GOLIM4: variants seen among roughly 807,000 people sequenced by gnomAD.
GOLIM4 encodes 130 kDa golgi-localized phosphoprotein.
Under a neutral mutation model 107.4 loss-of-function variants are expected in GOLIM4, and 71 were observed. That is an observed-to-expected ratio of 0.66 (90% CI 0.55 to 0.81). The LOEUF (loss-of-function observed/expected upper bound fraction) is 0.81, where lower values mean the gene tolerates loss of function less well. Ranked by LOEUF, GOLIM4 falls within the 30% of genes least tolerant of loss-of-function variation. The pLI, the probability that GOLIM4 is intolerant of heterozygous loss-of-function variation, is 0.00. For synonymous variants in GOLIM4, 327 were observed against 294.8 expected (o/e 1.11, Z -1.12); for missense variants, 830 against 826.1 (o/e 1.00, Z -0.06).
At chr3:168,084,958 A>T (rs556086415) in intron 1 of GOLIM4, among the ~76,000 whole-genome samples, 82 of 143,992 alleles carry the variant, frequency 5.7e-4, no homozygotes, top group African/African-American at 2.1e-3. Context: ...CATGGAAATT[A>T]AAAAAAAAAA....
chr3:168,026,110 G>C (rs1320361539), intron 12 of GOLIM4, among the ~76,000 whole-genome samples: 1 of 152,136 alleles, frequency 6.6e-6, no homozygotes, highest in Admixed American at 6.5e-5. Context: ...GAACATGTTT[G>C]AGAGTTCACT....
chr3:168,088,384 C>T (rs1721731822), intron 1 of GOLIM4, among the ~76,000 whole-genome samples: 1 of 152,078 alleles, frequency 6.6e-6, no homozygotes, highest in Admixed American at 6.6e-5. Context: ...GTTCTGGTCA[C>T]CTAATAAATG....
At position 168,095,377 on chromosome 3, in the gene GOLIM4, G is replaced by A; in HGVS notation, c.-92C>T. 1.9e-6 allele frequency: 2 copies of A among 1,049,704 alleles called. No homozygotes were observed. The highest frequency in any genetic ancestry group is 2.8e-6 in the Non-Finnish European group (2 of 710,748). The allele number at this position is 1,049,704 out of a possible 1,614,324, so 65.0% of individuals were successfully genotyped here. On this transcript the variant is annotated 5_prime_UTR_variant, in exon 1 of 16. Coordinates refer to ENST00000470487, the MANE Select transcript of GOLIM4 (RefSeq NM_014498.5). ...TCAGCAGCGGCCGCCGCAGTAGGTG[G>A]CCAGACGCAGCATGAGGAGGAGATG...
intron 1 of GOLIM4, among the ~76,000 whole-genome samples, chr3:168,070,700 TAAA>T (rs1433585649): frequency 2.0e-5 from 3 of 152,232 alleles, no homozygotes; most frequent in Non-Finnish European, 4.4e-5. Flanking sequence ...TTAAGGTTAT[TAAA>T]GAAGTTCAAA....
Position 168,009,321 on chromosome 3 carries a change from A to G in GOLIM4, c.*948T>C, listed in dbSNP as rs1008163094. 6.6e-6 allele frequency: 1 copy of G among 151,056 alleles called. No homozygotes were observed. The highest frequency in any genetic ancestry group is 6.6e-5 in the Admixed American group (1 of 15,116). 9.4% of individuals were successfully genotyped at this position (151,056 alleles called of 1,614,324 possible). A position where few individuals can be genotyped will look rare whatever the true frequency, so the allele number is the denominator to read the frequency against. ...CAGTTTGGTATGTCTTCATATTTAT[A>G]CTTATTATCAAAGTGATTGCATATT... On this transcript the variant is annotated 3_prime_UTR_variant, in exon 16 of 16. Transcript: ENST00000470487.
intron 14 of GOLIM4, among the ~76,000 whole-genome samples, chr3:168,015,503 C>T (rs1717312515): frequency 7.3e-6 from 1 of 137,182 alleles, no homozygotes; most frequent in Admixed American, 7.0e-5. Flanking sequence ...CCCCATCAAG[C>T]TACCAATGCC....
intron 1 of GOLIM4, among the ~76,000 whole-genome samples, chr3:168,063,289 A>C (rs780602150): frequency 2.6e-5 from 4 of 152,224 alleles, no homozygotes; most frequent in Non-Finnish European, 5.9e-5. Context: ...CTGCTTCCCC[A>C]GTTTGACTAG....
At chr3:168,055,662 C>T (rs1178880067) in intron 1 of GOLIM4, among the ~76,000 whole-genome samples, 14 of 151,852 alleles carry the variant, frequency 9.2e-5, no homozygotes, top group Non-Finnish European at 5.9e-5. Flanking sequence ...ATTAGCTGGG[C>T]GTGATGGCAG....
chr3:168,031,682 G>A (rs1240868614), intron 9 of GOLIM4, among the ~76,000 whole-genome samples: 1 of 152,184 alleles, frequency 6.6e-6, no homozygotes, highest in Non-Finnish European at 1.5e-5. Context: ...ACCTAAGAGG[G>A]CAACTACAGA....
At position 168,032,612 on chromosome 3, in the gene GOLIM4, C is replaced by T. The variant is rs370706753; in HGVS notation, c.1084G>A (p.Asp362Asn). ...GQAEHLEEEH[D>N]PSPEEQDREW... ...CGATCCTGCTCCTCTGGTGATGGATCGTGTTCCTCCTCAAGATGTTCTGCT... is the reference window on the plus strand; with the variant it reads ...CGATCCTGCTCCTCTGGTGATGGATTGTGTTCCTCCTCAAGATGTTCTGCT... Residue 362 changes from aspartate to asparagine, a missense_variant, in exon 9 of 16, where the codon GAT becomes AAT. By Grantham distance (23) the Asp-to-Asn change is conservative. Coordinates refer to ENST00000470487, the MANE Select transcript of GOLIM4 (RefSeq NM_014498.5). 6.2e-6 allele frequency: 10 copies of T among 1,613,994 alleles called. No individual in the cohort carries two copies. The highest frequency in any genetic ancestry group is 4.4e-5 in the South Asian group (4 of 91,060).
chr3:168,087,580 T>C (rs1027537994), intron 1 of GOLIM4, among the ~76,000 whole-genome samples: 1 of 152,196 alleles, frequency 6.6e-6, no homozygotes, highest in Non-Finnish European at 1.5e-5. Flanking sequence ...CATCAAATAG[T>C]ACACCCGTTA....
At position 168,032,592 on chromosome 3, in the gene GOLIM4, CT is replaced by C; in HGVS notation, c.1103del (p.Gln368ArgfsTer33). 1 of 1,614,144 alleles carries C rather than the reference CT, an allele frequency of 6.2e-7. No individual in the cohort carries two copies. The highest frequency in any genetic ancestry group is 1.6e-4 in the Middle Eastern group (1 of 6,062). On this transcript the variant is annotated frameshift_variant, in exon 9 of 16. Coordinates refer to ENST00000470487, the MANE Select transcript of GOLIM4 (RefSeq NM_014498.5). LOFTEE classifies it high-confidence loss of function. Reference sequence around the variant, plus strand: ...CATGCTGCTCTTTCCACTCCCGATCCTGCTCCTCTGGTGATGGATCGTGTTC... The same window carrying C: ...CATGCTGCTCTTTCCACTCCCGATCCGCTCCTCTGGTGATGGATCGTGTTC... The part of the protein sequence containing the change: ...EEEHDPSPEE[Q>X]DREWKEQHEQ...
chr3:168,082,540 T>C (rs1721424424), intron 1 of GOLIM4, among the ~76,000 whole-genome samples: 1 of 152,154 alleles, frequency 6.6e-6, no homozygotes, highest in Admixed American at 6.6e-5. Context: ...TCAGTTCACA[T>C]GGACCCTGCT....
intron 1 of GOLIM4, among the ~76,000 whole-genome samples, chr3:168,073,566 C>T (rs1361246159): frequency 2.6e-5 from 4 of 151,958 alleles, no homozygotes; most frequent in African/African-American, 4.8e-5. Context: ...ATTAAAGGTC[C>T]TTACAATCGC....
Position 168,095,396 on chromosome 3 carries a change from G to A in GOLIM4, c.-111C>T, listed in dbSNP as rs1038388491. 10 of 854,828 alleles carry A rather than the reference G, an allele frequency of 1.2e-5. No homozygotes were observed. In the Admixed American group the frequency reaches 1.2e-4, roughly 11 times the overall value. The allele number at this position is 854,828 out of a possible 1,614,324, so 53.0% of individuals were successfully genotyped here. ...TAGGTGGCCAGACGCAGCATGAGGA[G>A]GAGATGCCAGACACAAAAGCCGGCC... On this transcript the variant is annotated 5_prime_UTR_variant, in exon 1 of 16. Coordinates refer to ENST00000470487, the MANE Select transcript of GOLIM4 (RefSeq NM_014498.5).
At chr3:168,012,097 C>T (rs1198595622) in intron 14 of GOLIM4, among the ~76,000 whole-genome samples, 9 of 122,736 alleles carry the variant, frequency 7.3e-5, no homozygotes, top group Non-Finnish European at 1.1e-4. Context: ...CTCTGAGCTA[C>T]GGGAGGACAT....
At chr3:168,084,153 G>C (rs753184641) in intron 1 of GOLIM4, among the ~76,000 whole-genome samples, 2 of 152,010 alleles carry the variant, frequency 1.3e-5, no homozygotes, top group Non-Finnish European at 2.9e-5. Context: ...TGGTTTAAAG[G>C]TGTATGGCAC....
intron 1 of GOLIM4, among the ~76,000 whole-genome samples, chr3:168,059,192 C>G (rs1048353741): frequency 6.6e-6 from 1 of 152,136 alleles, no homozygotes; most frequent in Admixed American, 6.5e-5. Flanking sequence ...CTTGCCTTTA[C>G]GGACGCTGCA....
intron 4 of GOLIM4, among the ~76,000 whole-genome samples, chr3:168,044,076 A>G (rs1577533861): frequency 6.6e-6 from 1 of 152,232 alleles, no homozygotes; most frequent in East Asian, 1.9e-4. Flanking sequence ...ATCATGATCT[A>G]GATAAACACT....
Sources: gnomAD v4.1 joint callset for allele counts (sites outside exome capture counted in the v4.1 genomes callset) on GRCh38, gnomAD v4.1.1 for gene constraint, MANE v1.5 for transcripts, NCBI Gene and HGNC (gene_info 2026-07-23, HGNC 2026-07-21) for gene names.